Variants in MAP2K1 observed in about 807,000 individuals in gnomAD.
MAP2K1 encodes the protein dual specificity mitogen-activated protein kinase kinase 1.
Under a neutral mutation model 46.3 loss-of-function variants are expected in MAP2K1, and 16 were observed. That is an observed-to-expected ratio of 0.35 (90% CI 0.23 to 0.52). MAP2K1 has a LOEUF of 0.52. Among genes scored for constraint, MAP2K1 ranks in the 20% least tolerant of loss-of-function variants. MAP2K1 has a pLI of 0.94. For missense variants in MAP2K1, 263 were observed against 497.1 expected (o/e 0.53, Z 4.48); for synonymous variants, 183 against 185.6 (o/e 0.99, Z 0.11).
At chr15:66,474,462 T>G (rs1008460547) in intron 5 of MAP2K1, among the ~76,000 whole-genome samples, 1 of 152,180 alleles carries the variant, frequency 6.6e-6, no homozygotes, top group African/African-American at 2.4e-5. Flanking sequence ...TTACTGAATT[T>G]CAGGGATTTC....
chr15:66,421,154 GA>G (rs555433524), intron 1 of MAP2K1, among the ~76,000 whole-genome samples: 120 of 146,138 alleles, frequency 8.2e-4, no homozygotes, highest in African/African-American at 3.0e-3. Context: ...TTTTTTTTCT[GA>G]AACAGGGTCT....
At chr15:66,476,044 G>A (rs952793654) in intron 5 of MAP2K1, among the ~76,000 whole-genome samples, 1 of 152,222 alleles carries the variant, frequency 6.6e-6, no homozygotes. Context: ...TATCGGAGAA[G>A]AACATACTTT....
intron 1 of MAP2K1, among the ~76,000 whole-genome samples, chr15:66,431,180 T>C (rs1340224658): frequency 1.3e-5 from 2 of 152,290 alleles, no homozygotes; most frequent in African/African-American, 4.8e-5. Flanking sequence ...AAACTAAAGA[T>C]TGTGAAGGGA....
At chr15:66,391,998 A>G (rs1042463253) in intron 1 of MAP2K1, among the ~76,000 whole-genome samples, 3 of 152,224 alleles carry the variant, frequency 2.0e-5, no homozygotes, top group Non-Finnish European at 1.5e-5. Context: ...CTTTCAGGTC[A>G]GTGGGAGGCT....
chr15:66,471,518 AG>A (rs936267512), intron 5 of MAP2K1, among the ~76,000 whole-genome samples: 2 of 152,352 alleles, frequency 1.3e-5, no homozygotes, highest in African/African-American at 2.4e-5. Flanking sequence ...CTTCAGATCA[AG>A]GTTAGTGGTG....
At chr15:66,466,412 C>G (rs913280783) in intron 5 of MAP2K1, among the ~76,000 whole-genome samples, 2 of 151,672 alleles carry the variant, frequency 1.3e-5, no homozygotes, top group African/African-American at 4.8e-5. Flanking sequence ...GGCGTGGTGG[C>G]TCACGCCTGT....
At chr15:66,489,809 T>G in intron 10 of MAP2K1, 46 bp downstream of exon 10, 2 of 1,476,880 alleles carry the variant, frequency 1.4e-6, no homozygotes, top group South Asian at 2.3e-5. Flanking sequence ...TTTATTCATT[T>G]GTTCTTCTCT....
intron 3 of MAP2K1, among the ~76,000 whole-genome samples, chr15:66,439,858 C>T (rs949994157): frequency 6.6e-6 from 1 of 151,350 alleles, no homozygotes; most frequent in African/African-American, 2.4e-5. Flanking sequence ...TCACTTGAAA[C>T]CAGGAGGCAG....
In MAP2K1 at chr15:66,490,869, C is replaced by G; in HGVS notation, c.*254C>G. On this transcript the variant is annotated 3_prime_UTR_variant, in exon 11 of 11. Coordinates refer to ENST00000307102, the MANE Select transcript of MAP2K1 (RefSeq NM_002755.4). ...TTGTGTGTATGCTGATGATCAAAAC[C>G]TGTGCCAGGCTGAATTACAGTGAAA... 1 of 544,184 alleles carries G rather than the reference C, an allele frequency of 1.8e-6. No homozygotes were observed. The highest frequency in any genetic ancestry group is 3.4e-6 in the Non-Finnish European group (1 of 298,454). 33.7% of individuals were successfully genotyped at this position (544,184 alleles called of 1,614,324 possible). A position where few individuals can be genotyped will look rare whatever the true frequency, so the allele number is the denominator to read the frequency against.
At chr15:66,408,659 G>A (rs2093403842) in intron 1 of MAP2K1, among the ~76,000 whole-genome samples, 1 of 152,106 alleles carries the variant, frequency 6.6e-6, no homozygotes, top group Non-Finnish European at 1.5e-5. Context: ...GCTGAATCCT[G>A]ATCCCTGTGG....
chr15:66,471,786 G>C (rs1451780741), intron 5 of MAP2K1, among the ~76,000 whole-genome samples: 1 of 152,030 alleles, frequency 6.6e-6, no homozygotes, highest in East Asian at 1.9e-4. Flanking sequence ...ACTTTAAAAA[G>C]ATGCTGTTAG....
At chr15:66,421,123 CACATAT>C (rs761684332) in intron 1 of MAP2K1, among the ~76,000 whole-genome samples, 1,388 of 70,978 alleles carry the variant, frequency 0.02, 13 homozygotes, top group Middle Eastern at 0.038. Flanking sequence ...CACACACACA[CACATAT>C]ATATATATAT....
At chr15:66,397,642 T>G (rs898250676) in intron 1 of MAP2K1, among the ~76,000 whole-genome samples, 1 of 152,226 alleles carries the variant, frequency 6.6e-6, no homozygotes, top group Admixed American at 6.5e-5. Flanking sequence ...CATACGCTGC[T>G]TGTCCTTCAA....
At chr15:66,437,027 G>A (rs2093490018) in intron 3 of MAP2K1, 135 bp downstream of exon 3, 6 of 936,156 alleles carry the variant, frequency 6.4e-6, no homozygotes, top group Admixed American at 1.8e-5. Flanking sequence ...GGGCATCTGG[G>A]AAGTCTAACT....
chr15:66,463,433 A>G (rs974615548), intron 5 of MAP2K1, among the ~76,000 whole-genome samples: 4 of 152,354 alleles, frequency 2.6e-5, no homozygotes, highest in Middle Eastern at 3.4e-3. Flanking sequence ...CCCATGACAC[A>G]GCCTCAGGAG....
intron 1 of MAP2K1, among the ~76,000 whole-genome samples, chr15:66,415,605 C>T (rs2093422759): frequency 6.6e-6 from 1 of 152,132 alleles, no homozygotes; most frequent in South Asian, 2.1e-4. Flanking sequence ...TTCAAATTCT[C>T]ATCTTGTCTT....
intron 7 of MAP2K1, 70 bp from the exon 8 acceptor site, chr15:66,487,158 C>A: frequency 7.5e-7 from 1 of 1,337,380 alleles, no homozygotes; most frequent in Non-Finnish European, 1.1e-6. Flanking sequence ...GATCCATGCC[C>A]AACCCCTTGC....
At position 66,490,274 on chromosome 15, in the gene MAP2K1, C is replaced by A. The variant is rs377758416; in HGVS notation, c.1069-228C>A. 3 of 668,382 alleles carry A rather than the reference C, an allele frequency of 4.5e-6. No homozygotes were observed. The African/African-American group carries it at 5.4e-5, about 12-fold the overall frequency. 41.4% of individuals were successfully genotyped at this position (668,382 alleles called of 1,614,324 possible). On this transcript the variant is annotated intron_variant, in intron 10 of 10. Coordinates refer to ENST00000307102, the MANE Select transcript of MAP2K1 (RefSeq NM_002755.4). Reference sequence around the variant, plus strand: ...GCAGAGTTACTGTCTCCATACTGCACGAGTAGGCTCCAAGAGGTGACTTGC... The same window carrying A: ...GCAGAGTTACTGTCTCCATACTGCAAGAGTAGGCTCCAAGAGGTGACTTGC...
intron 1 of MAP2K1, among the ~76,000 whole-genome samples, chr15:66,395,181 G>C (rs2093364624): frequency 6.6e-6 from 1 of 152,082 alleles, no homozygotes; most frequent in Non-Finnish European, 1.5e-5. Flanking sequence ...CATATACTGT[G>C]TTTTTTCCTA....
Sources: gnomAD v4.1 joint callset for allele counts (sites outside exome capture counted in the v4.1 genomes callset) on GRCh38, gnomAD v4.1.1 for gene constraint, MANE v1.5 for transcripts, NCBI Gene and HGNC (gene_info 2026-07-23, HGNC 2026-07-21) for gene names.